GTSE1: variants seen among roughly 807,000 people sequenced by gnomAD.
GTSE1 encodes G2 and S phase-expressed protein 1.
GTSE1 carries 52 observed loss-of-function variants against 60.5 expected under a neutral mutation model. The ratio of observed to expected loss-of-function variants is 0.86; its 90% confidence interval spans 0.69 to 1.08. The LOEUF is 1.08. Among genes scored for constraint, GTSE1 ranks in the 50% least tolerant of loss-of-function variants. GTSE1 has a pLI of 0.00. For missense variants in GTSE1, 937 were observed against 961.8 expected, an observed-to-expected ratio of 0.97 and a Z score of 0.34; for synonymous variants, 368 against 386.5, an observed-to-expected ratio of 0.95 and a Z score of 0.56.
rs1195865062 is a variant in GTSE1 at position 46,319,993 on chromosome 22, AAAAG to A, written c.1433-3181_1433-3178del. ...GAACGAGACTGTCTCAAAAAAAAAA[AAAAG>A]AAAGAAAGAAAGAAAAGAAATGCGA... On this transcript the variant is annotated intron_variant, in intron 7 of 11. Transcript: ENST00000454366. The surrounding 1 kb of genome is among the most constrained non-coding windows in gnomAD (Gnocchi z 5.0). Among the ~76,000 whole-genome samples the A allele has an allele frequency of 3.0e-4, 46 of 151,044 alleles. No individual in the cohort carries two copies. Among genetic ancestry groups the A allele is most frequent in the African/African-American group, 6.9e-4 (28 of 40,558 alleles).
chr22:46,314,613 C>T lies in GTSE1; in HGVS notation c.1051+600C>T, dbSNP rs9627407. Among the ~76,000 whole-genome samples the T allele has an allele frequency of 4.1e-3, 619 of 152,202 alleles. 6 individuals carry two copies. Among genetic ancestry groups the T allele is most frequent in the African/African-American group, 0.014 (588 of 41,540 alleles). On this transcript the variant is annotated intron_variant, in intron 6 of 11. Coordinates refer to ENST00000454366, the MANE Select transcript of GTSE1 (RefSeq NM_016426.7). The surrounding 1 kb of genome is among the most constrained non-coding windows in gnomAD (Gnocchi z 7.1). Reference sequence around the variant, plus strand: ...AAAGTGGGCCGGGCGCAGGGGCTCACGCCTGTGATCCCAGCACTTTGGCAG... The same window carrying T: ...AAAGTGGGCCGGGCGCAGGGGCTCATGCCTGTGATCCCAGCACTTTGGCAG...
rs2077708567 is a variant in GTSE1 at position 46,305,065 on chromosome 22, ATACT to A, written c.80-3079_80-3076del. 2.6e-5 allele frequency among the ~76,000 whole-genome samples: 4 copies of A among 152,326 alleles called. No individual in the cohort carries two copies. In the South Asian group the frequency reaches 8.3e-4, roughly 32 times the overall value. On this transcript the variant is annotated intron_variant, in intron 2 of 11. Transcript: ENST00000454366. ...ATCACTTTCTAGGTTTTTTGGTAAC[ATACT>A]TACTTGCCTCGTGGAAGTAAGTTGG... is the stretch of plus-strand genomic sequence containing the variant.
chr22:46,319,982 C>CA lies in GTSE1; in HGVS notation c.1433-3194dup, dbSNP rs374478660. On this transcript the variant is annotated intron_variant, in intron 7 of 11. Transcript: ENST00000454366. The surrounding 1 kb of genome is among the most constrained non-coding windows in gnomAD (Gnocchi z 5.0). ...CCTGGGCGACAGAACGAGACTGTCTCAAAAAAAAAAAAAAGAAAGAAAGAA... is the reference window on the plus strand; with the variant it reads ...CCTGGGCGACAGAACGAGACTGTCTCAAAAAAAAAAAAAAAGAAAGAAAGAA... Among the ~76,000 whole-genome samples the CA allele has an allele frequency of 0.052, 5,971 of 115,252 alleles. 168 individuals carry two copies. Among genetic ancestry groups the CA allele is most frequent in the African/African-American group, 0.091 (3,016 of 32,978 alleles). 75.6% of individuals were successfully genotyped at this position (115,252 alleles called of 152,430 possible).
Position 46,308,859 on chromosome 22 carries a change from G to A in GTSE1, c.678G>A (p.Ala226=), listed in dbSNP as rs752585625. ...SCTAHAASQA[A]TQRKPGTKLL... is the part of the protein sequence containing the mutation. ...CTGCTCATGCTGCAAGTCAGGCAGC[G>A]ACTCAGAGGAAGCCCGGGACCAAAT... Residue 226 remains alanine, a synonymous_variant, in exon 4 of 12, where the codon GCG becomes GCA. Coordinates refer to ENST00000454366, the MANE Select transcript of GTSE1 (RefSeq NM_016426.7). The A allele has an allele frequency of 1.8e-5, 29 of 1,613,154 alleles. 1 individual carries two copies. The highest frequency in any genetic ancestry group is 1.7e-4 in the Admixed American group (10 of 60,016).
rs1352474298 is a variant in GTSE1 at position 46,297,092 on chromosome 22, G to A, written c.-22+161G>A. Reference sequence around the variant, plus strand: ...CCCTCGCGCCGTGGTCGGGGATGCCGGGAGGTCTAGGGCTGCCCCCCAGGC... The same window carrying A: ...CCCTCGCGCCGTGGTCGGGGATGCCAGGAGGTCTAGGGCTGCCCCCCAGGC... On this transcript the variant is annotated intron_variant, in intron 1 of 11. Transcript: ENST00000454366. This position sits in a 1 kb window ranked among gnomAD's most constrained non-coding sequence, Gnocchi z 4.9. Among the ~76,000 whole-genome samples the A allele has an allele frequency of 2.0e-5, 3 of 152,244 alleles. No homozygotes were observed. Among genetic ancestry groups the A allele is most frequent in the Admixed American group, 2.0e-4 (3 of 15,290 alleles).
In GTSE1 at chr22:46,312,141, C is replaced by T. The variant is rs1176574776; in HGVS notation, c.763C>T (p.Pro255Ser). 1 of 1,609,958 alleles carries T rather than the reference C, an allele frequency of 6.2e-7. No individual in the cohort carries two copies. Among genetic ancestry groups the T allele is most frequent in the Non-Finnish European group, 8.5e-7 (1 of 1,177,806 alleles). ...GRSIPGAAEK[P>S]KKEIPASPSR... ...TCACAGTTCAAATTAAAATTTTCAG[C>T]CCAAGAAAGAGATTCCAGCTAGTCC... The change falls in exon 5 of 12, where the codon CCC (proline) becomes TCC (serine). Residue 255 changes from proline (P) to serine (S), a missense_variant and splice_region_variant. By Grantham distance (74) the Pro-to-Ser change is moderately conservative. Coordinates refer to ENST00000454366, the MANE Select transcript of GTSE1 (RefSeq NM_016426.7).
At chr22:46,308,266 C>T in intron 3 of GTSE1, 53 bp from the exon 4 acceptor site, 2 of 1,604,478 alleles carry the variant, frequency 1.2e-6, no homozygotes, top group Non-Finnish European at 1.7e-6. Context: ...TAAAGTCTTT[C>T]CTTTAAATGC....
intron 2 of GTSE1, among the ~76,000 whole-genome samples, chr22:46,305,525 C>T (rs1045113898): frequency 1.3e-5 from 2 of 152,116 alleles, no homozygotes; most frequent in Non-Finnish European, 2.9e-5. Context: ...AGGAAAATCG[C>T]TGGAACCTGG....
intron 2 of GTSE1, among the ~76,000 whole-genome samples, chr22:46,302,121 G>A (rs9626849): frequency 0.036 from 5,522 of 152,028 alleles, 339 homozygotes; most frequent in African/African-American, 0.13. Context: ...GTGAAACTCC[G>A]TCTCAAAAAA....
At chr22:46,308,983 C>T in intron 4 of GTSE1, 40 bp downstream of exon 4, 1 of 1,564,946 alleles carries the variant, frequency 6.4e-7, no homozygotes, top group South Asian at 1.2e-5. Flanking sequence ...GGAGCCCCCA[C>T]TCCTTGCCCC....
In GTSE1 at chr22:46,316,243, C is replaced by A. The variant is rs373959629; in HGVS notation, c.1263C>A (p.Pro421=). The part of the protein sequence containing the change: ...TAPPSASPTQ[P]QTPEGGGQWL... ...CCCCCTCAGCATCCCCCACCCAACC[C>A]CAGACTCCGGAAGGTGGCGGCCAGT... Residue 421 remains proline (P), a synonymous_variant, in exon 7 of 12, where the codon CCC becomes CCA. Coordinates refer to ENST00000454366, the MANE Select transcript of GTSE1 (RefSeq NM_016426.7). The surrounding 1 kb of genome is among the most constrained non-coding windows in gnomAD (Gnocchi z 5.0). 10 of 1,613,708 alleles carry A rather than the reference C, an allele frequency of 6.2e-6. No individual in the cohort carries two copies. In the African/African-American group the frequency reaches 1.3e-4, roughly 22 times the overall value.
At chr22:46,315,970 T>G in intron 6 of GTSE1, 62 bp from the exon 7 acceptor site, 3 of 1,265,004 alleles carry the variant, frequency 2.4e-6, no homozygotes, top group Non-Finnish European at 3.3e-6. Flanking sequence ...ATAACTTCTG[T>G]GTGTTTGTTA....
intron 2 of GTSE1, among the ~76,000 whole-genome samples, chr22:46,303,683 G>A (rs1245417283): frequency 2.0e-5 from 3 of 152,186 alleles, no homozygotes; most frequent in East Asian, 1.9e-4. Flanking sequence ...AATGGTAGTC[G>A]TAGGTGTGCT....
At position 46,324,265 on chromosome 22, in the gene GTSE1, C is replaced by T. The variant is rs2077831199; in HGVS notation, c.1505+1003C>T. On this transcript the variant is annotated intron_variant, in intron 8 of 11. Coordinates refer to ENST00000454366, the MANE Select transcript of GTSE1 (RefSeq NM_016426.7). This position sits in a 1 kb window ranked among gnomAD's most constrained non-coding sequence, Gnocchi z 5.2. Reference sequence around the variant, plus strand: ...CATGCATGGTGGTGAAGAGCAAAGACCAGAGCCAGGCAGCCACTGGCCACC... The same window carrying T: ...CATGCATGGTGGTGAAGAGCAAAGATCAGAGCCAGGCAGCCACTGGCCACC... 6.6e-6 allele frequency among the ~76,000 whole-genome samples: 1 copy of T among 152,206 alleles called. No homozygotes were observed. Among genetic ancestry groups the T allele is most frequent in the African/African-American group, 2.4e-5 (1 of 41,446 alleles).
chr22:46,326,647 G>T lies in GTSE1; in HGVS notation c.1717G>T (p.Ala573Ser), dbSNP rs748648929. The T allele has an allele frequency of 1.9e-6, 3 of 1,605,830 alleles. 1 individual carries two copies. In the Admixed American group the frequency reaches 5.1e-5, roughly 27 times the overall value. The change falls in exon 9 of 12, where the codon GCA becomes TCA. Residue 573 changes from alanine (A) to serine (S), a missense_variant. Transcript: ENST00000454366. ...RRSSEPRKNS[A>S]MRTEPTRESN... ...TTCCTCTGAGCCCCGCAAGAACTCTGCAATGAGGTAAGACACGAAGGTGGT... is the reference window on the plus strand; with the variant it reads ...TTCCTCTGAGCCCCGCAAGAACTCTTCAATGAGGTAAGACACGAAGGTGGT...
In GTSE1 at chr22:46,318,325, C is replaced by T. The variant is rs866938669; in HGVS notation, c.1432+1913C>T. Among the ~76,000 whole-genome samples the T allele has an allele frequency of 2.6e-5, 4 of 152,296 alleles. No homozygotes were observed. Among genetic ancestry groups the T allele is most frequent in the Middle Eastern group, 3.4e-3 (1 of 294 alleles). ...CGGCCAGCACAGGCAGCCTGCAACT[C>T]CCAGAAACTGCATTCTGAGTCCTGC... On this transcript the variant is annotated intron_variant, in intron 7 of 11. Coordinates refer to ENST00000454366, the MANE Select transcript of GTSE1 (RefSeq NM_016426.7). The surrounding 1 kb of genome is among the most constrained non-coding windows in gnomAD (Gnocchi z 4.8).
At chr22:46,323,341 C>T (rs2077825241) in intron 8 of GTSE1, 79 bp downstream of exon 8, 1 of 1,118,116 alleles carries the variant, frequency 8.9e-7, no homozygotes, top group South Asian at 1.2e-5. Context: ...CATTTGGTAA[C>T]CCTGCAGCCT....
At position 46,318,386 on chromosome 22, in the gene GTSE1, G is replaced by A. The variant is rs2077792896; in HGVS notation, c.1432+1974G>A. 6.6e-6 allele frequency among the ~76,000 whole-genome samples: 1 copy of A among 152,180 alleles called. No homozygotes were observed. Among genetic ancestry groups the A allele is most frequent in the African/African-American group, 2.4e-5 (1 of 41,438 alleles). On this transcript the variant is annotated intron_variant, in intron 7 of 11. Coordinates refer to ENST00000454366, the MANE Select transcript of GTSE1 (RefSeq NM_016426.7). The surrounding 1 kb of genome is among the most constrained non-coding windows in gnomAD (Gnocchi z 4.8). ...AGCTGTTCTGCTGAGTGTCTTCTCT[G>A]TGCTGGAATGCTTTGGGGGACAAGG...
At position 46,312,287 on chromosome 22, in the gene GTSE1, G is replaced by T. The variant is rs753934434; in HGVS notation, c.909G>T (p.Ala303=). Residue 303 remains alanine (A), a synonymous_variant, in exon 5 of 12, where the codon GCG becomes GCT. Transcript: ENST00000454366. The part of the protein sequence containing the change: ...AGSHLGQGKR[A]IPVPNKLGLK... ...GCCACTTGGGCCAGGGCAAGCGGGC[G>T]ATCCCTGTTCCAAACAAGGTGAGTT... is the stretch of plus-strand genomic sequence containing the variant. 1.2e-6 allele frequency: 2 copies of T among 1,612,772 alleles called. No homozygotes were observed. Among genetic ancestry groups the T allele is most frequent in the African/African-American group, 1.3e-5 (1 of 74,858 alleles).
Sources: allele counts gnomAD v4.1 joint callset (sites outside exome capture counted in the v4.1 genomes callset), GRCh38; gene constraint gnomAD v4.1.1; non-coding constraint Gnocchi (gnomAD v3.1); transcripts MANE v1.5; gene names NCBI Gene and HGNC (gene_info 2026-07-23, HGNC 2026-07-21).